The following FBXL20 variants were observed in gnomAD, a reference collection of about 807,000 sequenced individuals.
FBXL20 encodes the protein F-box/LRR-repeat protein 20.
In FBXL20, 11 loss-of-function variants were observed where a neutral mutation model predicts 64.0. The ratio of observed to expected loss-of-function variants is 0.17; its 90% CI spans 0.11 to 0.28. The LOEUF is 0.28. Ranked by LOEUF, FBXL20 falls within the 10% of genes least tolerant of loss-of-function variation. The pLI, the probability that FBXL20 is intolerant of heterozygous loss-of-function variation, is 1.00. For synonymous variants in FBXL20, 184 were observed against 189.0 expected, an observed-to-expected ratio of 0.97 and a Z score of 0.22; for missense variants, 303 against 526.2, an observed-to-expected ratio of 0.58 and a Z score of 4.15.
Position 39,382,210 on chromosome 17 carries a change from G to A in FBXL20, c.42+19151C>T, listed in dbSNP as rs933210468. On this transcript the variant is annotated intron_variant, in intron 1 of 14. Transcript: ENST00000264658. ...TGTAATCCCAGCACTTTGGGAGGCC[G>A]AGGTGGGCAGATCACAAGGTAAGGA... Among the ~76,000 whole-genome samples the A allele has an allele frequency of 3.3e-5, 5 of 151,978 alleles. No individual in the cohort carries two copies. The East Asian group carries it at 5.8e-4, about 18-fold the overall frequency.
chr17:39,363,950 C>T (rs773197513), intron 1 of FBXL20, among the ~76,000 whole-genome samples: 30 of 134,056 alleles, frequency 2.2e-4, no homozygotes, highest in South Asian at 4.6e-4. Context: ...AATGCAGTGA[C>T]GCGATCTCAG....
chr17:39,325,837 A>G (rs1375830677), intron 2 of FBXL20, among the ~76,000 whole-genome samples: 1 of 152,210 alleles, frequency 6.6e-6, no homozygotes, highest in Non-Finnish European at 1.5e-5. Context: ...TCTGCTAAAA[A>G]AAAATACACT....
At chr17:39,270,888 C>T in intron 10 of FBXL20, 32 bp from the exon 11 acceptor site, 2 of 1,518,538 alleles carry the variant, frequency 1.3e-6, no homozygotes, top group Non-Finnish European at 1.8e-6. Flanking sequence ...CAGTGAAAGT[C>T]AAGCTCTTGG....
chr17:39,394,872 G>A (rs141099435), intron 1 of FBXL20, among the ~76,000 whole-genome samples: 52 of 151,994 alleles, frequency 3.4e-4, no homozygotes, highest in African/African-American at 1.1e-3. Flanking sequence ...TACTGTACCC[G>A]GCCAGATACG....
intron 1 of FBXL20, among the ~76,000 whole-genome samples, chr17:39,387,086 T>C (rs962158081): frequency 5.3e-5 from 8 of 152,200 alleles, no homozygotes; most frequent in Non-Finnish European, 1.2e-4. Flanking sequence ...GAAACTGCAA[T>C]GAGTACACGC....
chr17:39,346,939 G>C (rs1013427724), intron 1 of FBXL20, among the ~76,000 whole-genome samples: 2 of 150,576 alleles, frequency 1.3e-5, no homozygotes, highest in Non-Finnish European at 2.9e-5. Context: ...GAGAACATGT[G>C]GTGTTTGGTT....
At chr17:39,364,826 A>G (rs1302507274) in intron 1 of FBXL20, among the ~76,000 whole-genome samples, 1 of 152,158 alleles carries the variant, frequency 6.6e-6, no homozygotes, top group African/African-American at 2.4e-5. Context: ...GCCATCTTAG[A>G]CACGTAAGCC....
intron 8 of FBXL20, 41 bp from the exon 9 acceptor site, chr17:39,281,504 T>C (rs745586930): frequency 1.3e-6 from 2 of 1,527,206 alleles, no homozygotes; most frequent in East Asian, 2.3e-5. Flanking sequence ...ATTATTGACA[T>C]TGTCTCAAAG....
chr17:39,376,643 G>A (rs2047969895), intron 1 of FBXL20, among the ~76,000 whole-genome samples: 1 of 152,200 alleles, frequency 6.6e-6, no homozygotes, highest in African/African-American at 2.4e-5. Flanking sequence ...AATGCCTCTG[G>A]CAAAGACTAG....
intron 9 of FBXL20, among the ~76,000 whole-genome samples, chr17:39,276,505 C>T (rs2046896870): frequency 1.3e-5 from 2 of 152,034 alleles, no homozygotes; most frequent in South Asian, 4.2e-4. Flanking sequence ...CCCGTCTCTA[C>T]TAAAAATACA....
chr17:39,376,670 A>G (rs1362796464), intron 1 of FBXL20, among the ~76,000 whole-genome samples: 1 of 152,148 alleles, frequency 6.6e-6, no homozygotes, highest in Non-Finnish European at 1.5e-5. Context: ...TTGCGGTTCT[A>G]GGTATTAAGA....
At chr17:39,346,231 G>C (rs1363300034) in intron 1 of FBXL20, among the ~76,000 whole-genome samples, 1 of 151,738 alleles carries the variant, frequency 6.6e-6, no homozygotes, top group East Asian at 1.9e-4. Flanking sequence ...GCTATTTGGT[G>C]GGGGGGTGCT....
chr17:39,347,650 C>T (rs557911990), intron 1 of FBXL20, among the ~76,000 whole-genome samples: 156 of 152,258 alleles, frequency 1.0e-3, no homozygotes, highest in Non-Finnish European at 1.8e-3. Flanking sequence ...TGCCTGTTTA[C>T]TCTGATGGCA....
Position 39,253,356 on chromosome 17 carries a change from A to G in FBXL20, c.*8104T>C, listed in dbSNP as rs1012513058. On this transcript the variant is annotated 3_prime_UTR_variant, in exon 15 of 15. Coordinates refer to ENST00000264658, the MANE Select transcript of FBXL20 (RefSeq NM_032875.3). ...GAAGTGCACATGGTAGGTTACCTGG[A>G]AACAATTCCTAGGAGAAAAAAGGAG... The G allele has an allele frequency of 2.6e-5, 4 of 152,444 alleles. No individual in the cohort carries two copies. The highest frequency in any genetic ancestry group is 9.6e-5 in the African/African-American group (4 of 41,470). 9.4% of individuals were successfully genotyped at this position (152,444 alleles called of 1,614,324 possible).
At chr17:39,369,042 G>A (rs2047889407) in intron 1 of FBXL20, among the ~76,000 whole-genome samples, 1 of 152,034 alleles carries the variant, frequency 6.6e-6, no homozygotes, top group Non-Finnish European at 1.5e-5. Context: ...GTGATCTCAT[G>A]TTTCTTTTGT....
At chr17:39,298,840 ATT>A in intron 5 of FBXL20, 148 bp downstream of exon 5, 1 of 647,812 alleles carries the variant, frequency 1.5e-6, no homozygotes, top group Non-Finnish European at 2.6e-6. Flanking sequence ...TTAAAACTAC[ATT>A]TCTTATTACT....
At chr17:39,306,769 T>C (rs1022500043) in intron 2 of FBXL20, among the ~76,000 whole-genome samples, 1 of 152,240 alleles carries the variant, frequency 6.6e-6, no homozygotes, top group East Asian at 1.9e-4. Flanking sequence ...CTTACACATT[T>C]ACTTCCTCTA....
At chr17:39,402,269 CGCGCCTCCGCGGTT>C (rs2048256006), upstream of FBXL20, 1 of 986,586 alleles carries the variant, frequency 1.0e-6, no homozygotes, top group Non-Finnish European at 1.2e-6. Flanking sequence ...CGGCTGCCGC[CGCGCCTCCGCGGTT>C]GCCGCCGCCG....
intron 2 of FBXL20, among the ~76,000 whole-genome samples, chr17:39,337,820 T>TG (rs530849504): frequency 0.11 from 15,350 of 133,626 alleles, 842 homozygotes; most frequent in African/African-American, 0.17. Context: ...AGGAGGGAGG[T>TG]GGGGGGTCAG....
Sources: gnomAD v4.1 joint callset for allele counts (sites outside exome capture counted in the v4.1 genomes callset) on GRCh38, gnomAD v4.1.1 for gene constraint, MANE v1.5 for transcripts, NCBI Gene and HGNC (gene_info 2026-07-23, HGNC 2026-07-21) for gene names.